The following PUF60 variants were observed in gnomAD, a reference collection of about 807,000 sequenced individuals.
PUF60 encodes the protein poly(U)-binding-splicing factor PUF60.
PUF60 carries 10 observed loss-of-function variants against 61.8 expected under a neutral mutation model. That is an observed-to-expected ratio of 0.16 (90% CI 0.10 to 0.27). The LOEUF (loss-of-function observed/expected upper bound fraction) is 0.27. Among genes scored for constraint, PUF60 ranks in the 10% least tolerant of loss-of-function variants. The pLI is 1.00. For synonymous variants in PUF60, 353 were observed against 300.9 expected, an observed-to-expected ratio of 1.17 and a Z score of -1.79; for missense variants, 371 against 754.0, an observed-to-expected ratio of 0.49 and a Z score of 5.95.
At chr8:143,822,477 T>C (rs1817133522) in intron 2 of PUF60, 2 of 456,562 alleles carry the variant, frequency 4.4e-6, no homozygotes, top group East Asian at 1.4e-4. Context: ...CCGCAGGCAC[T>C]GTGCACACCT....
At position 143,818,353 on chromosome 8, in the gene PUF60, G is replaced by C; in HGVS notation, c.510+20C>G. ...GTGGGGGCGAGCCCGAAGTGGCCGG[G>C]GCGGACCAAGCCTGCTGACCTTGTG... On this transcript the variant is annotated intron_variant, in intron 6 of 11. Coordinates refer to ENST00000526683, the MANE Select transcript of PUF60 (RefSeq NM_078480.3). The surrounding 1 kb of genome is among the most constrained non-coding windows in gnomAD (Gnocchi z 7.9). 6.2e-7 allele frequency: 1 copy of C among 1,611,806 alleles called. No individual in the cohort carries two copies. Among genetic ancestry groups the C allele is most frequent in the East Asian group, 2.2e-5 (1 of 44,818 alleles).
rs768539133 is a variant in PUF60, at chr8:143,817,571, G to A, written c.1008+21C>T. On this transcript the variant is annotated intron_variant, in intron 9 of 11. Coordinates refer to ENST00000526683, the MANE Select transcript of PUF60 (RefSeq NM_078480.3). The surrounding 1 kb of genome is among the most constrained non-coding windows in gnomAD (Gnocchi z 7.4). The stretch of plus-strand genomic sequence containing the variant: ...GGGCCAGCCCGCCCACCCTCAAGCC[G>A]ACAGCTGTGTGGGCCCTCACCTGAG... The A allele has an allele frequency of 3.0e-5, 49 of 1,609,880 alleles. No individual in the cohort carries two copies. In the South Asian group the frequency reaches 4.2e-4, roughly 14 times the overall value.
At chr8:143,822,050 A>T (rs1024824831) in intron 2 of PUF60, 137 bp from the exon 3 acceptor site, 6 of 656,656 alleles carry the variant, frequency 9.1e-6, no homozygotes, top group Non-Finnish European at 1.3e-5. Flanking sequence ...TGCTGTCCCC[A>T]GCCCAGGCCA....
At position 143,818,162 on chromosome 8, in the gene PUF60, G is replaced by A. The variant is rs533980645; in HGVS notation, c.603+31C>T. 6.9e-6 allele frequency: 11 copies of A among 1,602,838 alleles called. No individual in the cohort carries two copies. The highest frequency in any genetic ancestry group is 2.2e-5 in the South Asian group (2 of 89,570). ...CGTGGAGGGGCAGCCCTGCACGCCT[G>A]CGGGATCGAGGCCTTGGCTCCCTGC... On this transcript the variant is annotated intron_variant, in intron 7 of 11. Transcript: ENST00000526683. The surrounding 1 kb of genome is among the most constrained non-coding windows in gnomAD (Gnocchi z 7.9).
intron 1 of PUF60, chr8:143,824,722 G>A (rs1424356583): frequency 2.3e-5 from 9 of 388,204 alleles, no homozygotes; most frequent in Middle Eastern, 7.1e-4. Flanking sequence ...CAGGCTGGAC[G>A]GCCAAAGGAA....
intron 4 of PUF60, among the ~76,000 whole-genome samples, 156 bp from the exon 5 acceptor site, chr8:143,820,872 G>A (rs1229857820): frequency 1.3e-5 from 2 of 152,150 alleles, no homozygotes; most frequent in Admixed American, 6.5e-5. Flanking sequence ...ACCTGCCCAG[G>A]GGGGCCGCAG....
intron 1 of PUF60, chr8:143,828,976 T>G: frequency 2.0e-6 from 2 of 990,782 alleles, no homozygotes; most frequent in Non-Finnish European, 2.4e-6. Context: ...GACCCCCGCT[T>G]GCCGGACCTA....
chr8:143,816,573 C>T lies in PUF60; in HGVS notation c.1627G>A (p.Val543Met). The T allele has an allele frequency of 3.7e-6, 6 of 1,613,662 alleles. No individual in the cohort carries two copies. The highest frequency in any genetic ancestry group is 2.2e-5 in the East Asian group (1 of 44,882). Residue 543 changes from valine (V) to methionine (M), a missense_variant, in exon 12 of 12, where the codon GTG becomes ATG. Val to Met is a conservative substitution (Grantham distance 21). Transcript: ENST00000526683. Reference sequence around the variant, plus strand: ...CGCTCCTGGTCGTACACTTCAGCCACCACCTTGCGGCCAGCAAACCAGCGG... The same window carrying T: ...CGCTCCTGGTCGTACACTTCAGCCATCACCTTGCGGCCAGCAAACCAGCGG... ...NGRWFAGRKV[V>M]AEVYDQERFD...
chr8:143,822,673 C>T, intron 2 of PUF60: 3 of 423,264 alleles, frequency 7.1e-6, no homozygotes, highest in Non-Finnish European at 1.4e-5. Context: ...ACTGCAGACC[C>T]AAGCTGATGC....
Position 143,821,630 on chromosome 8 carries a change from G to T in PUF60, c.264C>A (p.Ile88=). The T allele has an allele frequency of 6.5e-7, 1 of 1,545,996 alleles. No homozygotes were observed. ...SIKSVLVKQT[I]AHQQQQLTNL... ...TGGTGAGCTGCTGCTGCTGGTGCGCGATGGTCTGCTTCACCAGCACACTCT... is the reference window on the plus strand; with the variant it reads ...TGGTGAGCTGCTGCTGCTGGTGCGCTATGGTCTGCTTCACCAGCACACTCT... The change falls in exon 4 of 12, where the codon ATC becomes ATA. Residue 88 remains isoleucine, a synonymous_variant. Transcript: ENST00000526683.
Position 143,817,526 on chromosome 8 carries a change from A to G in PUF60, c.1009-60T>C. The G allele has an allele frequency of 6.2e-7, 1 of 1,608,310 alleles. No homozygotes were observed. Among genetic ancestry groups the G allele is most frequent in the South Asian group, 1.1e-5 (1 of 90,866 alleles). ...GTCTGGCTACTCAAGACCACCTTGA[A>G]TCAGTCTCCAAGGAATCAGGGGCCA... On this transcript the variant is annotated intron_variant, in intron 9 of 11. Transcript: ENST00000526683. This position sits in a 1 kb window ranked among gnomAD's most constrained non-coding sequence, Gnocchi z 7.4.
chr8:143,816,449 G>T lies in PUF60; in HGVS notation c.*71C>A. 6.6e-7 allele frequency: 1 copy of T among 1,519,994 alleles called. No homozygotes were observed. Among genetic ancestry groups the T allele is most frequent in the Non-Finnish European group, 8.8e-7 (1 of 1,131,910 alleles). 94.2% of individuals were successfully genotyped at this position (1,519,994 alleles called of 1,614,324 possible). A position where few individuals can be genotyped will look rare whatever the true frequency, so the allele number is the denominator to read the frequency against. ...TGGGCAGAGCGCGCCTGGCCCCGGG[G>T]ACACCACTGTATCACTATAAAACCC... On this transcript the variant is annotated 3_prime_UTR_variant, in exon 12 of 12. Transcript: ENST00000526683.
chr8:143,816,621 T>C lies in PUF60; in HGVS notation c.1579A>G (p.Lys527Glu). ...CGGCCATTGAGGGCCTGGATGGCCTTATGAGTCTCAGAGGCTATGGAAAAC... is the reference window on the plus strand; with the variant it reads ...CGGCCATTGAGGGCCTGGATGGCCTCATGAGTCTCAGAGGCTATGGAAAAC... The part of the protein sequence containing the change: ...VEFSIASETH[K>E]AIQALNGRWF... Residue 527 changes from lysine to glutamate, a missense_variant, in exon 12 of 12, where the codon AAG (lysine) becomes GAG (glutamate). Physicochemically the swap from Lys to Glu is moderately conservative, Grantham distance 56. This residue lies in a region of PUF60 where 19 missense variants were observed against 16.9 expected (regional missense o/e 1.12). Coordinates refer to ENST00000526683, the MANE Select transcript of PUF60 (RefSeq NM_078480.3). The C allele has an allele frequency of 6.2e-7, 1 of 1,613,814 alleles. No homozygotes were observed. Among genetic ancestry groups the C allele is most frequent in the Non-Finnish European group, 8.5e-7 (1 of 1,179,876 alleles).
intron 5 of PUF60, among the ~76,000 whole-genome samples, chr8:143,819,566 T>G (rs1816780181): frequency 6.6e-6 from 1 of 152,134 alleles, no homozygotes; most frequent in Non-Finnish European, 1.5e-5. Flanking sequence ...CCCCATCCCG[T>G]GGAGAGGGGC....
chr8:143,819,808 G>A (rs1586580108), intron 5 of PUF60, among the ~76,000 whole-genome samples: 1 of 152,070 alleles, frequency 6.6e-6, no homozygotes, highest in Admixed American at 6.5e-5. Flanking sequence ...CCCCAAGACA[G>A]GGCCATGTCT....
chr8:143,819,575 G>A (rs1170419986), intron 5 of PUF60, among the ~76,000 whole-genome samples: 3 of 152,178 alleles, frequency 2.0e-5, no homozygotes, highest in African/African-American at 7.2e-5. Flanking sequence ...GTGGAGAGGG[G>A]CCTGGAAGCA....
chr8:143,817,962 G>T lies in PUF60; in HGVS notation c.717C>A (p.Asp239Glu). The T allele has an allele frequency of 6.2e-7, 1 of 1,612,880 alleles. No individual in the cohort carries two copies. Among genetic ancestry groups the T allele is most frequent in the Non-Finnish European group, 8.5e-7 (1 of 1,179,844 alleles). Reference protein sequence around the residue: ...YVASVHQDLSDDDIKSVFEAF... With the variant: ...YVASVHQDLSEDDIKSVFEAF... ...CCTCAAACACGCTCTTGATGTCATC[G>T]TCTGAGAGGTCCTGGTGCACAGAGG... is the stretch of plus-strand genomic sequence containing the variant. Residue 239 changes from aspartate to glutamate, a missense_variant, in exon 8 of 12, where the codon GAC (aspartate) becomes GAA (glutamate). Physicochemically the swap from Asp to Glu is conservative, Grantham distance 45. Coordinates refer to ENST00000526683, the MANE Select transcript of PUF60 (RefSeq NM_078480.3). The surrounding 1 kb of genome is among the most constrained non-coding windows in gnomAD (Gnocchi z 7.4).
intron 2 of PUF60, chr8:143,822,803 G>T: frequency 2.9e-6 from 1 of 343,514 alleles, no homozygotes; most frequent in Non-Finnish European, 5.8e-6. Context: ...AGTGTGGGAT[G>T]GGCAAACAGC....
intron 2 of PUF60, among the ~76,000 whole-genome samples, chr8:143,822,142 T>C (rs1438885232): frequency 6.6e-6 from 1 of 151,962 alleles, no homozygotes; most frequent in Non-Finnish European, 1.5e-5. Flanking sequence ...CCCGAGCAGT[T>C]GTGGGGCCCA....
Sources: gnomAD v4.1 joint callset for allele counts (sites outside exome capture counted in the v4.1 genomes callset) on GRCh38, gnomAD v4.1.1 for gene constraint, gnomAD v4.1.1 regional missense constraint, Gnocchi (gnomAD v3.1) non-coding constraint, MANE v1.5 for transcripts, NCBI Gene and HGNC (gene_info 2026-07-23, HGNC 2026-07-21) for gene names.